The following PRAMEF20 variants were observed in gnomAD, a reference collection of about 807,000 sequenced individuals.
PRAMEF20 encodes PRAME family member 20, also known as PRAME family member 20/21.
In PRAMEF20, 27 loss-of-function variants were observed where a neutral mutation model predicts 32.4. That is an observed-to-expected ratio of 0.83 (90% CI 0.61 to 1.15). PRAMEF20 has a LOEUF of 1.15. Among genes scored for constraint, PRAMEF20 ranks in the 50% most tolerant of loss-of-function variants. The pLI, the probability that PRAMEF20 is intolerant of heterozygous loss-of-function variation, is 0.00. For synonymous variants in PRAMEF20, 256 were observed against 235.4 expected (o/e 1.09, Z -0.80); for missense variants, 604 against 584.5 (o/e 1.03, Z -0.34).
At chr1:13,410,709 G>A in the PRAMEF20 span, among the ~76,000 whole-genome samples, 1 of 147,252 alleles carries the variant, frequency 6.8e-6, no homozygotes, top group Admixed American at 6.8e-5. Context: ...TTTGATTTGT[G>A]CTTTGGTTTA....
the PRAMEF20 span, among the ~76,000 whole-genome samples, chr1:13,411,219 T>C: frequency 6.6e-6 from 1 of 152,132 alleles, no homozygotes; most frequent in Non-Finnish European, 1.5e-5. Flanking sequence ...GTCCCAGCTA[T>C]TTGGGTGGCT....
chr1:13,411,962 CT>C (rs1641118573), upstream of PRAMEF20, among the ~76,000 whole-genome samples: 1 of 152,098 alleles, frequency 6.6e-6, no homozygotes, highest in Non-Finnish European at 1.5e-5. Flanking sequence ...CTCTGGTGTC[CT>C]TTATACCTGG....
chr1:13,418,447 G>C (rs1430694841), exon 2 of PRAMEF20: 4 of 1,613,924 alleles, frequency 2.5e-6, no homozygotes, highest in Middle Eastern at 1.7e-4. Context: ...AGTCAACCTA[G>C]ACTGTATCCA....
At chr1:13,419,624 C>T (rs1248460304) in intron 2 of PRAMEF20, among the ~76,000 whole-genome samples, 4 of 151,972 alleles carry the variant, frequency 2.6e-5, no homozygotes, top group Non-Finnish European at 5.9e-5. Context: ...TGGGGTTTCA[C>T]CATGTTAGCC....
upstream of PRAMEF20, among the ~76,000 whole-genome samples, chr1:13,413,961 T>C (rs1305282882): frequency 6.6e-6 from 1 of 152,172 alleles, no homozygotes; most frequent in South Asian, 2.1e-4. Flanking sequence ...CAGGTTTGTC[T>C]TTATCCCCAA....
chr1:13,413,900 A>G (rs1641136446), upstream of PRAMEF20, among the ~76,000 whole-genome samples: 2 of 152,142 alleles, frequency 1.3e-5, no homozygotes, highest in Admixed American at 6.6e-5. Flanking sequence ...ACAGAGAATT[A>G]TCCTGTTTTA....
At chr1:13,419,122 T>TA (rs1278964883) in intron 2 of PRAMEF20, among the ~76,000 whole-genome samples, 2 of 151,982 alleles carry the variant, frequency 1.3e-5, no homozygotes, top group African/African-American at 4.8e-5. Context: ...GACTCCTGTC[T>TA]AAAAAATAAA....
Position 13,419,714 on chromosome 1 carries a change from G to A in PRAMEF20, c.867-983G>A, listed in dbSNP as rs948561291. Reference sequence around the variant, plus strand: ...GCTGGGATTACAGGTGTGAGCCACCGCACCCGGCCAAAACAAGATAATTTT... The same window carrying A: ...GCTGGGATTACAGGTGTGAGCCACCACACCCGGCCAAAACAAGATAATTTT... On this transcript the variant is annotated intron_variant, in intron 2 of 2. Coordinates refer to ENST00000602960, the Ensembl canonical transcript of PRAMEF20. Among the ~76,000 whole-genome samples, 60 of 152,080 alleles carry A rather than the reference G, an allele frequency of 3.9e-4. No individual in the cohort carries two copies. In the Middle Eastern group the frequency reaches 0.01, roughly 26 times the overall value.
intron 2 of PRAMEF20, among the ~76,000 whole-genome samples, chr1:13,419,335 G>A (rs977851958): frequency 2.8e-4 from 43 of 151,962 alleles, no homozygotes; most frequent in African/African-American, 1.0e-3. Flanking sequence ...TTTTAGTAGA[G>A]ATGGGGTTTC....
chr1:13,411,253 C>T, the PRAMEF20 span, among the ~76,000 whole-genome samples: 2 of 152,050 alleles, frequency 1.3e-5, no homozygotes, highest in African/African-American at 2.4e-5. Context: ...CCCTTGAGCC[C>T]GGAAGTTTGA....
chr1:13,417,615 G>A (rs1569866835), intron 1 of PRAMEF20, among the ~76,000 whole-genome samples: 2 of 151,026 alleles, frequency 1.3e-5, no homozygotes. Flanking sequence ...AAAAAAAAAA[G>A]TGGAACTGGG....
upstream of PRAMEF20, among the ~76,000 whole-genome samples, chr1:13,415,334 G>A (rs1031170280): frequency 2.4e-3 from 363 of 151,312 alleles, 2 homozygotes; most frequent in South Asian, 4.4e-3. Flanking sequence ...TGCCTGCCTC[G>A]GCCTCTCAAA....
upstream of PRAMEF20, among the ~76,000 whole-genome samples, chr1:13,414,208 A>ATTT (rs149194621): frequency 8.1e-6 from 1 of 123,268 alleles, no homozygotes; most frequent in Non-Finnish European, 1.6e-5. Context: ...CACCTGACTA[A>ATTT]TTTTTTTTTT....
At chr1:13,412,056 TA>T (rs1411094120), upstream of PRAMEF20, among the ~76,000 whole-genome samples, 19 of 146,650 alleles carry the variant, frequency 1.3e-4, no homozygotes, top group South Asian at 4.3e-4. Context: ...TTATTTAATT[TA>T]ATTAATTTAT....
At chr1:13,421,289 C>CT (rs1641242323) in exon 3 of PRAMEF20, 3 of 1,612,740 alleles carry the variant, frequency 1.9e-6, no homozygotes, top group African/African-American at 1.3e-5. Context: ...ATATATCAAA[C>CT]TCTTTTTTCT....
At chr1:13,412,706 C>T (rs903292435), upstream of PRAMEF20, among the ~76,000 whole-genome samples, 29 of 151,942 alleles carry the variant, frequency 1.9e-4, no homozygotes, top group Admixed American at 7.9e-4. Context: ...GGCCTGATTT[C>T]CTTCAGAGAA....
At chr1:13,417,359 C>A (rs917658100) in intron 1 of PRAMEF20, among the ~76,000 whole-genome samples, 5 of 152,038 alleles carry the variant, frequency 3.3e-5, no homozygotes, top group Admixed American at 1.3e-4. Flanking sequence ...TCATGTAAGA[C>A]AGGGAAGTTC....
intron 2 of PRAMEF20, among the ~76,000 whole-genome samples, chr1:13,419,155 T>C (rs1641215817): frequency 6.6e-6 from 1 of 152,126 alleles, no homozygotes; most frequent in African/African-American, 2.4e-5. Context: ...ACAAACAAGA[T>C]AATTTTTCTT....
In PRAMEF20 at chr1:13,418,629, G is replaced by T. The variant is rs950195408; in HGVS notation, c.795G>T (p.Lys265Asn). The T allele has an allele frequency of 7.3e-5, 118 of 1,613,962 alleles. No homozygotes were observed. In the South Asian group the frequency reaches 1.3e-3, roughly 17 times the overall value. The change falls in exon 2 of 3, where the codon AAG becomes AAT. Residue 265 changes from lysine (K) to asparagine (N), a missense_variant. Transcript: ENST00000602960. ...CCCAGTTCACCACTCAGTTCCTCAA[G>T]CTGCGCTGCCTCCAAAAGCTTTATA...
Sources: allele counts gnomAD v4.1 joint callset (sites outside exome capture counted in the v4.1 genomes callset), GRCh38; gene constraint gnomAD v4.1.1; transcripts MANE v1.5; gene names NCBI Gene and HGNC (gene_info 2026-07-23, HGNC 2026-07-21).